Variants in LAPTM5 observed in about 807,000 individuals in gnomAD.
The protein encoded by LAPTM5 is lysosomal protein transmembrane 5.
In LAPTM5, 11 loss-of-function variants were observed where a neutral mutation model predicts 30.1. The observed-to-expected ratio is 0.37, with a 90% confidence interval of 0.23 to 0.60. The LOEUF (loss-of-function observed/expected upper bound fraction) is 0.60. LAPTM5 is among the 20% of genes least tolerant of loss of function. LAPTM5 has a pLI of 0.71. For missense variants in LAPTM5, 324 were observed against 332.5 expected (o/e 0.97, Z 0.20); for synonymous variants, 151 against 137.9 (o/e 1.10, Z -0.67).
At position 30,739,812 on chromosome 1, in the gene LAPTM5, A is replaced by G; in HGVS notation, c.384T>C (p.Arg128=). 4 of 1,600,984 alleles carry G rather than the reference A, an allele frequency of 2.5e-6. No individual in the cohort carries two copies. The highest frequency in any genetic ancestry group is 3.4e-6 in the Non-Finnish European group (4 of 1,173,318). ...PAYLKLASRS[R]ASSSKFPLMT... ...GAGGTGGGGGCTGGGTACTCACAGCACGGCTCCGGGAGGCCAACTTGAGGT... is the reference window on the plus strand; with the variant it reads ...GAGGTGGGGGCTGGGTACTCACAGCGCGGCTCCGGGAGGCCAACTTGAGGT... Residue 128 remains arginine (R), a synonymous_variant, in exon 4 of 8, where the codon CGT becomes CGC. Transcript: ENST00000294507. This position sits in a 1 kb window ranked among gnomAD's most constrained non-coding sequence, Gnocchi z 4.2.
At position 30,746,647 on chromosome 1, in the gene LAPTM5, C is replaced by T. The variant is rs575492907; in HGVS notation, c.88-4098G>A. ...CCCACTTGCTCCCCAATTACAGCATCTTTTCACCCACTGTCCCTTCATTCT... is the reference window on the plus strand; with the variant it reads ...CCCACTTGCTCCCCAATTACAGCATTTTTTCACCCACTGTCCCTTCATTCT... On this transcript the variant is annotated intron_variant, in intron 1 of 7. Transcript: ENST00000294507. The surrounding 1 kb of genome is among the most constrained non-coding windows in gnomAD (Gnocchi z 4.0). Among the ~76,000 whole-genome samples, 4 of 152,304 alleles carry T rather than the reference C, an allele frequency of 2.6e-5. No homozygotes were observed. The East Asian group carries it at 7.7e-4, about 29-fold the overall frequency.
chr1:30,743,233 G>A (rs965906120), intron 1 of LAPTM5, among the ~76,000 whole-genome samples: 1 of 152,184 alleles, frequency 6.6e-6, no homozygotes, highest in Admixed American at 6.5e-5. Flanking sequence ...ATCCCCATTC[G>A]ACTGTAGGTT....
At position 30,741,660 on chromosome 1, in the gene LAPTM5, G is replaced by A; in HGVS notation, c.238C>T (p.Leu80=). ...ITMLFIISLS[L]LIGVVKNREK... ...CTCACCTTGACTACGCCGATCAGTA[G>A]GCTCAGGCTGATGATGAAGAGCATG... Residue 80 remains leucine (L), a synonymous_variant, in exon 3 of 8, where the codon CTA becomes TTA. Coordinates refer to ENST00000294507, the MANE Select transcript of LAPTM5 (RefSeq NM_006762.3). 1 of 1,606,664 alleles carries A rather than the reference G, an allele frequency of 6.2e-7. No homozygotes were observed. Among genetic ancestry groups the A allele is most frequent in the Non-Finnish European group, 8.5e-7 (1 of 1,176,552 alleles).
chr1:30,741,113 C>G (rs1639964691), intron 3 of LAPTM5, among the ~76,000 whole-genome samples: 1 of 152,236 alleles, frequency 6.6e-6, no homozygotes, highest in African/African-American at 2.4e-5. Context: ...GTCCCTGTCT[C>G]TCTGAAGGCC....
chr1:30,743,684 T>C (rs1273674746), intron 1 of LAPTM5, among the ~76,000 whole-genome samples: 1 of 152,006 alleles, frequency 6.6e-6, no homozygotes, highest in Non-Finnish European at 1.5e-5. Flanking sequence ...TCTCTATTAA[T>C]ATGGCCCTAA....
At chr1:30,750,131 T>C (rs750701613) in intron 1 of LAPTM5, among the ~76,000 whole-genome samples, 2 of 152,162 alleles carry the variant, frequency 1.3e-5, no homozygotes, top group African/African-American at 4.8e-5. Flanking sequence ...AGCAGAGATA[T>C]TCTGGCTGGT....
intron 7 of LAPTM5, among the ~76,000 whole-genome samples, chr1:30,734,678 T>A (rs1639861351): frequency 6.6e-6 from 1 of 152,356 alleles, no homozygotes; most frequent in South Asian, 2.1e-4. Context: ...AACCGTCACT[T>A]TCCAATAAGC....
At chr1:30,750,592 A>G (rs1640120853) in intron 1 of LAPTM5, among the ~76,000 whole-genome samples, 5 of 152,130 alleles carry the variant, frequency 3.3e-5, no homozygotes, top group Admixed American at 3.3e-4. Context: ...CTCTTTACAC[A>G]TGGGCTCTGT....
intron 1 of LAPTM5, among the ~76,000 whole-genome samples, chr1:30,749,513 G>A (rs1159920740): frequency 6.6e-6 from 1 of 152,142 alleles, no homozygotes. Flanking sequence ...AAATCAAATA[G>A]AGATTGGCTG....
At chr1:30,752,860 G>A (rs921912503) in intron 1 of LAPTM5, among the ~76,000 whole-genome samples, 5 of 151,892 alleles carry the variant, frequency 3.3e-5, no homozygotes, top group East Asian at 1.9e-4. Flanking sequence ...AGGCTAGAGC[G>A]CAGTGGCGCG....
At chr1:30,750,529 G>A (rs114678198) in intron 1 of LAPTM5, among the ~76,000 whole-genome samples, 2 of 152,158 alleles carry the variant, frequency 1.3e-5, no homozygotes, top group Non-Finnish European at 2.9e-5. Context: ...TGAGAGACAG[G>A]TTCTAACATG....
intron 1 of LAPTM5, among the ~76,000 whole-genome samples, chr1:30,755,905 G>A (rs974443414): frequency 1.3e-5 from 2 of 152,224 alleles, no homozygotes; most frequent in East Asian, 3.9e-4. Flanking sequence ...GAGAACAGCT[G>A]CAGGGTGGGC....
At chr1:30,753,370 G>A (rs547385866) in intron 1 of LAPTM5, among the ~76,000 whole-genome samples, 1 of 152,124 alleles carries the variant, frequency 6.6e-6, no homozygotes, top group African/African-American at 2.4e-5. Flanking sequence ...GCATGGAAAG[G>A]AGAAAAAAAG....
chr1:30,740,305 G>C (rs1006588289), intron 3 of LAPTM5, among the ~76,000 whole-genome samples: 1 of 152,126 alleles, frequency 6.6e-6, no homozygotes, highest in African/African-American at 2.4e-5. Context: ...GGCTAGATCG[G>C]GGAAGGAGAC....
intron 6 of LAPTM5, among the ~76,000 whole-genome samples, chr1:30,736,993 GT>G (rs1388368415): frequency 6.6e-6 from 1 of 152,048 alleles, no homozygotes; most frequent in African/African-American, 2.4e-5. Flanking sequence ...TTTTGTGGGG[GT>G]TTTTTGACTT....
intron 1 of LAPTM5, among the ~76,000 whole-genome samples, chr1:30,747,125 A>T (rs767204500): frequency 6.6e-6 from 1 of 152,100 alleles, no homozygotes; most frequent in Middle Eastern, 3.2e-3. Context: ...TGTCTAAAAA[A>T]CTTAGGGAGA....
Position 30,746,641 on chromosome 1 carries a change from C to T in LAPTM5, c.88-4092G>A, listed in dbSNP as rs12096207. On this transcript the variant is annotated intron_variant, in intron 1 of 7. Transcript: ENST00000294507. The surrounding 1 kb of genome is among the most constrained non-coding windows in gnomAD (Gnocchi z 4.0). ...CCCTCACCCACTTGCTCCCCAATTA[C>T]AGCATCTTTTCACCCACTGTCCCTT... Among the ~76,000 whole-genome samples, 3,410 of 152,290 alleles carry T rather than the reference C, an allele frequency of 0.022. 137 individuals are homozygous for T. Among genetic ancestry groups the T allele is most frequent in the African/African-American group, 0.077 (3,192 of 41,552 alleles).
chr1:30,739,843 G>T lies in LAPTM5; in HGVS notation c.353C>A (p.Pro118His). ...CCGGGAGGCCAACTTGAGGTAGGCG[G>T]GCAGCTCAATGTAGGAGCCCAGCAG... The part of the protein sequence containing the change: ...LTLLGSYIEL[P>H]AYLKLASRSR... Residue 118 changes from proline to histidine, a missense_variant, in exon 4 of 8, where the codon CCC (proline) becomes CAC (histidine). Physicochemically the swap from Pro to His is moderately conservative, Grantham distance 77. Coordinates refer to ENST00000294507, the MANE Select transcript of LAPTM5 (RefSeq NM_006762.3). The surrounding 1 kb of genome is among the most constrained non-coding windows in gnomAD (Gnocchi z 4.2). 2 of 1,606,384 alleles carry T rather than the reference G, an allele frequency of 1.2e-6. No homozygotes were observed. The highest frequency in any genetic ancestry group is 1.7e-6 in the Non-Finnish European group (2 of 1,176,048).
chr1:30,742,557 C>G lies in LAPTM5; in HGVS notation c.88-8G>C. The G allele has an allele frequency of 6.2e-7, 1 of 1,609,658 alleles. No homozygotes were observed. Among genetic ancestry groups the G allele is most frequent in the Non-Finnish European group, 8.5e-7 (1 of 1,177,508 alleles). On this transcript the variant is annotated splice_polypyrimidine_tract_variant and splice_region_variant and intron_variant, in intron 1 of 7. Coordinates refer to ENST00000294507, the MANE Select transcript of LAPTM5 (RefSeq NM_006762.3). ...CAACAAGACGCTCATGATCTGGAGGCAAAGCAAAGCATCAGTCAGCTGAGC... is the reference window on the plus strand; with the variant it reads ...CAACAAGACGCTCATGATCTGGAGGGAAAGCAAAGCATCAGTCAGCTGAGC...
Sources: allele counts gnomAD v4.1 joint callset (sites outside exome capture counted in the v4.1 genomes callset), GRCh38; gene constraint gnomAD v4.1.1; non-coding constraint Gnocchi (gnomAD v3.1); transcripts MANE v1.5; gene names NCBI Gene and HGNC (gene_info 2026-07-23, HGNC 2026-07-21).